Variants in VWA3B observed in about 807,000 individuals in gnomAD.
VWA3B encodes the protein von Willebrand factor A domain-containing protein 3B.
In VWA3B, 138 loss-of-function variants were observed where a neutral mutation model predicts 158.3. The ratio of observed to expected loss-of-function variants is 0.87; its 90% CI spans 0.76 to 1.00. The LOEUF is 1.00. VWA3B is among the 50% of genes least tolerant of loss of function. VWA3B has a pLI of 0.00. For synonymous variants in VWA3B, 596 were observed against 587.3 expected (o/e 1.01, Z -0.21); for missense variants, 1,555 against 1,565.1 (o/e 0.99, Z 0.11).
rs568425189 is a variant in VWA3B, at chr2:98,247,067, G to A, written c.2674-3251G>A. Among the ~76,000 whole-genome samples the A allele has an allele frequency of 6.2e-3, 936 of 151,580 alleles. 15 individuals are homozygous for A. The highest frequency in any genetic ancestry group is 0.022 in the African/African-American group (889 of 41,274). ...GGCTGCAGTGTAGTGGTGTGATCTC[G>A]GCTCACTGAAACCTCCACCTCCTGG... On this transcript the variant is annotated intron_variant, in intron 19 of 27. Transcript: ENST00000477737.
intron 9 of VWA3B, among the ~76,000 whole-genome samples, chr2:98,182,538 A>G (rs1039459056): frequency 1.3e-5 from 2 of 152,194 alleles, no homozygotes; most frequent in Non-Finnish European, 2.9e-5. Context: ...GGAAAATCTC[A>G]TTTGTGGGTT....
chr2:98,092,371 G>T (rs180927572), intron 1 of VWA3B, among the ~76,000 whole-genome samples: 1 of 152,334 alleles, frequency 6.6e-6, no homozygotes, highest in African/African-American at 2.4e-5. Flanking sequence ...CCAGCTGGGC[G>T]CAGTGGCTCA....
intron 2 of VWA3B, among the ~76,000 whole-genome samples, chr2:98,101,367 C>A (rs1312406632): frequency 6.6e-6 from 1 of 152,164 alleles, no homozygotes; most frequent in Non-Finnish European, 1.5e-5. Context: ...TACTGAGTGT[C>A]TTACAATGTA....
intron 2 of VWA3B, among the ~76,000 whole-genome samples, chr2:98,106,164 C>A (rs927882882): frequency 3.9e-5 from 6 of 152,232 alleles, no homozygotes; most frequent in Non-Finnish European, 8.8e-5. Flanking sequence ...ATCCGCCCAC[C>A]TCGGCCTCCC....
At chr2:98,325,032 T>C in the VWA3B span, among the ~76,000 whole-genome samples, 2 of 152,120 alleles carry the variant, frequency 1.3e-5, no homozygotes, top group Non-Finnish European at 2.9e-5. Context: ...TTTAAATAAA[T>C]AGGACTTCAG....
chr2:98,306,118 C>T (rs1690511157), intron 26 of VWA3B, among the ~76,000 whole-genome samples: 1 of 152,166 alleles, frequency 6.6e-6, no homozygotes, highest in Non-Finnish European at 1.5e-5. Flanking sequence ...GACAGCTATT[C>T]CTTGCCCTCA....
intron 22 of VWA3B, among the ~76,000 whole-genome samples, chr2:98,286,778 A>T (rs1403838508): frequency 6.6e-6 from 1 of 151,900 alleles, no homozygotes; most frequent in African/African-American, 2.4e-5. Flanking sequence ...TGGGTTAGTG[A>T]TTCCCCTTCT....
the VWA3B span, among the ~76,000 whole-genome samples, chr2:98,329,605 A>T: frequency 6.6e-6 from 1 of 152,140 alleles, no homozygotes; most frequent in South Asian, 2.1e-4. Context: ...AAATTATGGT[A>T]GTCACCAGGA....
intron 13 of VWA3B, chr2:98,216,746 GC>G: frequency 2.1e-6 from 1 of 475,790 alleles, no homozygotes; most frequent in Non-Finnish European, 4.3e-6. Context: ...TTTGTGGAAT[GC>G]CTTCCAGGGA....
intron 21 of VWA3B, among the ~76,000 whole-genome samples, chr2:98,264,768 T>C (rs1403363382): frequency 6.6e-6 from 1 of 152,118 alleles, no homozygotes; most frequent in Non-Finnish European, 1.5e-5. Context: ...ATTATTGATA[T>C]TCTGTGTAGT....
At chr2:98,249,546 T>TC (rs1346511152) in intron 19 of VWA3B, among the ~76,000 whole-genome samples, 1 of 151,836 alleles carries the variant, frequency 6.6e-6, no homozygotes, top group African/African-American at 2.4e-5. Context: ...ATTGAAAGGG[T>TC]CCCCCCAAAA....
intron 7 of VWA3B, among the ~76,000 whole-genome samples, chr2:98,147,443 T>C (rs1464458736): frequency 6.6e-6 from 1 of 152,210 alleles, no homozygotes; most frequent in African/African-American, 2.4e-5. Flanking sequence ...CTTCTCACTA[T>C]ATACTTAAAA....
chr2:98,228,325 G>A lies in VWA3B; in HGVS notation c.2143G>A (p.Asp715Asn). 1 of 1,612,832 alleles carries A rather than the reference G, an allele frequency of 6.2e-7. No homozygotes were observed. Among genetic ancestry groups the A allele is most frequent in the South Asian group, 1.1e-5 (1 of 90,840 alleles). The change falls in exon 15 of 28, where the codon GAC becomes AAC. Residue 715 changes from aspartate (D) to asparagine (N), a missense_variant. Coordinates refer to ENST00000477737, the MANE Select transcript of VWA3B (RefSeq NM_144992.5). Reference protein sequence around the residue: ...DWWYNAEKDGDSKHQKEICSM... With the variant: ...DWWYNAEKDGNSKHQKEICSM... ...GTGGTACAATGCAGAAAAGGATGGA[G>A]ACAGCAAGTGAGCACCTCTGCCCGC...
chr2:98,305,985 A>G lies in VWA3B; in HGVS notation c.3521+2183A>G, dbSNP rs148762366. Among the ~76,000 whole-genome samples, 387 of 152,172 alleles carry G rather than the reference A, an allele frequency of 2.5e-3. 1 individual carries two copies. The highest frequency in any genetic ancestry group is 4.4e-3 in the Non-Finnish European group (298 of 68,006). On this transcript the variant is annotated intron_variant, in intron 26 of 27. Transcript: ENST00000477737. ...TGCCTACCTTGCCTCACTTGTCCCT[A>G]GCCACTCCCAGCTAACCCACCAATG...
intron 8 of VWA3B, among the ~76,000 whole-genome samples, chr2:98,180,058 TTC>T (rs545887756): frequency 1.3e-5 from 2 of 149,588 alleles, no homozygotes; most frequent in Non-Finnish European, 3.0e-5. Flanking sequence ...CTCCCTCCTT[TTC>T]TCTCTTTCTC....
chr2:98,135,908 A>G (rs1676246850), intron 7 of VWA3B, among the ~76,000 whole-genome samples: 2 of 152,174 alleles, frequency 1.3e-5, no homozygotes, highest in South Asian at 2.1e-4. Context: ...ACCTGATCAC[A>G]TCTCTCTCCG....
At chr2:98,155,542 C>G (rs1267523341) in intron 7 of VWA3B, among the ~76,000 whole-genome samples, 1 of 152,178 alleles carries the variant, frequency 6.6e-6, no homozygotes, top group African/African-American at 2.4e-5. Context: ...GGATGATGAT[C>G]TGGACTCAGG....
chr2:98,303,909 A>G, intron 26 of VWA3B, 107 bp downstream of exon 26: 1 of 1,042,086 alleles, frequency 9.6e-7, no homozygotes, highest in Non-Finnish European at 1.4e-6. Context: ...GAAGAAAAGT[A>G]GAGATGCAGA....
chr2:98,310,828 T>C (rs1346266390), intron 26 of VWA3B, among the ~76,000 whole-genome samples: 1 of 152,244 alleles, frequency 6.6e-6, no homozygotes, highest in African/African-American at 2.4e-5. Context: ...CAGGCCAATT[T>C]TTTAATCTCT....
Sources: gnomAD v4.1 joint callset for allele counts (sites outside exome capture counted in the v4.1 genomes callset) on GRCh38, gnomAD v4.1.1 for gene constraint, MANE v1.5 for transcripts, NCBI Gene and HGNC (gene_info 2026-07-23, HGNC 2026-07-21) for gene names.